The following NCAM2 variants were observed in gnomAD, a reference collection of about 807,000 sequenced individuals.
The protein encoded by NCAM2 is neural cell adhesion molecule 2.
Under a neutral mutation model 98.1 loss-of-function variants are expected in NCAM2, and 30 were observed. The ratio of observed to expected loss-of-function variants is 0.31; its 90% CI spans 0.23 to 0.41. The LOEUF is 0.41. Ranked by LOEUF, NCAM2 falls within the 10% of genes least tolerant of loss-of-function variation. The pLI is 1.00. For synonymous variants in NCAM2, 368 were observed against 342.4 expected (o/e 1.07, Z -0.83); for missense variants, 867 against 1,005.8 (o/e 0.86, Z 1.87).
intron 16 of NCAM2, among the ~76,000 whole-genome samples, chr21:21,533,771 T>G (rs923792751): frequency 1.3e-5 from 2 of 151,858 alleles, no homozygotes; most frequent in African/African-American, 4.8e-5. Flanking sequence ...TTTTTTTGGT[T>G]GTTGTTCAGT....
chr21:21,367,263 C>A (rs2075810450), intron 8 of NCAM2, among the ~76,000 whole-genome samples: 1 of 151,838 alleles, frequency 6.6e-6, no homozygotes, highest in Non-Finnish European at 1.5e-5. Context: ...TTAGGGGGTA[C>A]AACTAAAGTT....
chr21:21,262,390 C>G (rs78707494), intron 1 of NCAM2, among the ~76,000 whole-genome samples: 1 of 152,038 alleles, frequency 6.6e-6, no homozygotes, highest in Non-Finnish European at 1.5e-5. Flanking sequence ...CAAAATCTGA[C>G]AAGAACACAC....
intron 10 of NCAM2, among the ~76,000 whole-genome samples, chr21:21,411,037 C>CATACATATAT (rs1555889823): frequency 5.6e-5 from 3 of 53,298 alleles, no homozygotes; most frequent in African/African-American, 2.4e-4. Flanking sequence ...TATATACACA[C>CATACATATAT]ATATATATAT....
Position 21,176,312 on chromosome 21 carries a change from T to C in NCAM2, c.56-104266T>C, listed in dbSNP as rs569350559. ...CCAATGTATTGGACCAAAAGTATCA[T>C]CAGAATAATTCAGAAAAAAACATAA... On this transcript the variant is annotated intron_variant, in intron 1 of 17. Transcript: ENST00000400546. Among the ~76,000 whole-genome samples the C allele has an allele frequency of 3.3e-5, 5 of 152,208 alleles. No individual in the cohort carries two copies. In the South Asian group the frequency reaches 6.2e-4, roughly 19 times the overall value.
At chr21:21,366,716 G>T (rs1252045878) in intron 8 of NCAM2, among the ~76,000 whole-genome samples, 1 of 151,936 alleles carries the variant, frequency 6.6e-6, no homozygotes, top group Non-Finnish European at 1.5e-5. Context: ...AATACAAAAT[G>T]TAATTTTACA....
chr21:21,306,306 G>T (rs1158746985), intron 5 of NCAM2, among the ~76,000 whole-genome samples: 1 of 152,010 alleles, frequency 6.6e-6, no homozygotes, highest in African/African-American at 2.4e-5. Flanking sequence ...TTAAGAATTT[G>T]TCTATTTCTT....
intron 8 of NCAM2, 130 bp from the exon 9 acceptor site, chr21:21,373,733 C>A (rs2075971115): frequency 2.5e-6 from 2 of 788,372 alleles, no homozygotes; most frequent in Non-Finnish European, 3.7e-6. Context: ...GAAATACTTT[C>A]TACATCAGGA....
At chr21:21,491,439 A>C (rs1051682480) in intron 15 of NCAM2, among the ~76,000 whole-genome samples, 6 of 151,776 alleles carry the variant, frequency 4.0e-5, no homozygotes, top group African/African-American at 1.4e-4. Context: ...CCAAATGAAT[A>C]AAGTTGCAGA....
At chr21:21,075,743 G>A (rs2065667714) in intron 1 of NCAM2, among the ~76,000 whole-genome samples, 1 of 151,918 alleles carries the variant, frequency 6.6e-6, no homozygotes, top group Non-Finnish European at 1.5e-5. Context: ...TTTATTTCCT[G>A]GGTATGTCGA....
chr21:21,288,274 T>TG (rs550895549), intron 4 of NCAM2, among the ~76,000 whole-genome samples: 34 of 151,852 alleles, frequency 2.2e-4, no homozygotes, highest in Non-Finnish European at 3.4e-4. Flanking sequence ...TCCATGGATA[T>TG]GGGGGGTCAG....
intron 16 of NCAM2, among the ~76,000 whole-genome samples, chr21:21,533,299 G>A (rs952637795): frequency 1.3e-5 from 2 of 150,434 alleles, no homozygotes; most frequent in African/African-American, 4.9e-5. Flanking sequence ...CCTTCCTCTA[G>A]TCCCTGGCAA....
At chr21:21,119,897 A>G (rs921819442) in intron 1 of NCAM2, among the ~76,000 whole-genome samples, 3 of 152,184 alleles carry the variant, frequency 2.0e-5, no homozygotes, top group African/African-American at 4.8e-5. Context: ...AATAAACTCT[A>G]TTGTTTGTGT....
At chr21:21,322,386 C>T (rs1299147162) in intron 5 of NCAM2, among the ~76,000 whole-genome samples, 6 of 152,056 alleles carry the variant, frequency 3.9e-5, no homozygotes, top group Non-Finnish European at 8.8e-5. Flanking sequence ...ACCACCTTTA[C>T]CCCAAACCTC....
intron 5 of NCAM2, among the ~76,000 whole-genome samples, chr21:21,321,596 T>A (rs2074376646): frequency 3.3e-5 from 5 of 152,140 alleles, no homozygotes; most frequent in Admixed American, 3.3e-4. Flanking sequence ...TCTTTGTGTA[T>A]GATGAAAGAT....
At chr21:21,417,752 T>A (rs1247977586) in intron 10 of NCAM2, among the ~76,000 whole-genome samples, 3 of 152,004 alleles carry the variant, frequency 2.0e-5, no homozygotes, top group Non-Finnish European at 2.9e-5. Context: ...ATTTTCTACC[T>A]AGAGTGAAAA....
chr21:21,447,050 A>G (rs1216916564), intron 12 of NCAM2, among the ~76,000 whole-genome samples: 1 of 152,138 alleles, frequency 6.6e-6, no homozygotes, highest in East Asian at 1.9e-4. Flanking sequence ...GAAAAAAACT[A>G]CTTTAAATTT....
intron 16 of NCAM2, among the ~76,000 whole-genome samples, chr21:21,513,513 CT>C (rs1274985173): frequency 2.0e-5 from 3 of 151,780 alleles, no homozygotes; most frequent in African/African-American, 7.3e-5. Context: ...CAAAGTTCCT[CT>C]TTTTATTGAC....
chr21:21,307,853 C>T (rs2073932398), intron 5 of NCAM2, among the ~76,000 whole-genome samples: 1 of 152,024 alleles, frequency 6.6e-6, no homozygotes, highest in Non-Finnish European at 1.5e-5. Context: ...GAAATCTCTG[C>T]TTTTAATATC....
chr21:21,049,466 T>C (rs903761710), intron 1 of NCAM2, among the ~76,000 whole-genome samples: 27 of 70,262 alleles, frequency 3.8e-4, no homozygotes, highest in Non-Finnish European at 6.4e-4. Context: ...CCCTTCTGAA[T>C]TGCCTAATAA....
Sources: allele counts gnomAD v4.1 joint callset (sites outside exome capture counted in the v4.1 genomes callset), GRCh38; gene constraint gnomAD v4.1.1; transcripts MANE v1.5; gene names NCBI Gene and HGNC (gene_info 2026-07-23, HGNC 2026-07-21).